The following TTN variants were observed in gnomAD, a reference collection of about 807,000 sequenced individuals.
The protein encoded by TTN is connectin.
Under a neutral mutation model 3,223.0 loss-of-function variants are expected in TTN, and 1,525 were observed. The ratio of observed to expected loss-of-function variants is 0.47; its 90% CI spans 0.45 to 0.49. TTN has a LOEUF of 0.49. Among genes scored for constraint, TTN ranks in the 20% least tolerant of loss-of-function variants. TTN has a pLI of 0.00. For synonymous variants in TTN, 14,094 were observed against 15,161.0 expected (o/e 0.93, Z 5.17); for missense variants, 40,786 against 43,424.0 (o/e 0.94, Z 5.40).
intron 92 of TTN, 52 bp from the exon 93 acceptor site, chr2:178,713,424 C>A: frequency 5.7e-6 from 8 of 1,394,582 alleles, no homozygotes; most frequent in Non-Finnish European, 7.5e-6. Context: ...AAACAAAGGA[C>A]AACAATTATA....
Position 178,614,535 on chromosome 2 carries a change from C to T in TTN, c.48979G>A (p.Gly16327Ser). ...TIVDSKRSDTGTYIIEAVNVC... is the reference protein window; with the variant it reads ...TIVDSKRSDTSTYIIEAVNVC... Reference sequence around the variant, plus strand: ...TTCACAGCCTCAATGATATATGTGCCAGTGTCACTTCTCTTACTATCAACA... The same window carrying T: ...TTCACAGCCTCAATGATATATGTGCTAGTGTCACTTCTCTTACTATCAACA... Residue 16327 changes from glycine to serine, a missense_variant, in exon 261 of 363, where the codon GGC becomes AGC. Gly to Ser is a moderately conservative substitution (Grantham distance 56). Transcript: ENST00000589042. 1 of 1,612,370 alleles carries T rather than the reference C, an allele frequency of 6.2e-7. No individual in the cohort carries two copies. Among genetic ancestry groups the T allele is most frequent in the South Asian group, 1.1e-5 (1 of 90,988 alleles).
chr2:178,539,658 G>A lies in TTN; in HGVS notation c.98407C>T (p.Leu32803=), dbSNP rs767525789. The A allele has an allele frequency of 1.2e-6, 2 of 1,613,720 alleles. No individual in the cohort carries two copies. Among genetic ancestry groups the A allele is most frequent in the Non-Finnish European group, 1.7e-6 (2 of 1,179,812 alleles). ...IGSPNSPEGP[L]EYDDIQVRSV... is the part of the protein sequence containing the mutation. ...CGGACTTGGATGTCATCATATTCCA[G>A]TGGCCCTTCTGGACTGTTGGGACTT... The change falls in exon 352 of 363, where the codon CTG becomes TTG. Residue 32803 remains leucine (L), a synonymous_variant. Coordinates refer to ENST00000589042, the MANE Select transcript of TTN (RefSeq NM_001267550.2).
In TTN at chr2:178,590,221, C is replaced by G. The variant is rs773099372; in HGVS notation, c.61504G>C (p.Gly20502Arg). ...CAAGTTATGTCTGGTTCAGGTCTGC[C>G]TTTGACTCGAGCTAGAATGCGGATA... ...QTIRILARVKGRPEPDITWTK... is the reference protein window; with the variant it reads ...QTIRILARVKRRPEPDITWTK... The change falls in exon 304 of 363, where the codon GGC becomes CGC. Residue 20502 changes from glycine (G) to arginine (R), a missense_variant. By Grantham distance (125) the Gly-to-Arg change is moderately radical. Transcript: ENST00000589042. The G allele has an allele frequency of 1.1e-5, 17 of 1,599,254 alleles. No homozygotes were observed.
chr2:178,688,059 A>C, intron 127 of TTN, 52 bp downstream of exon 127: 3 of 1,502,236 alleles, frequency 2.0e-6, no homozygotes, highest in Non-Finnish European at 2.8e-6. Context: ...TTTGTGAAAG[A>C]AAACACCTCA....
In TTN at chr2:178,703,387, T is replaced by C. The variant is rs193223299; in HGVS notation, c.30224-724A>G. Among the ~76,000 whole-genome samples the C allele has an allele frequency of 6.8e-4, 104 of 152,304 alleles. No homozygotes were observed. In the Middle Eastern group the frequency reaches 0.017, roughly 25 times the overall value. On this transcript the variant is annotated intron_variant, in intron 106 of 362. Transcript: ENST00000589042. The stretch of plus-strand genomic sequence containing the variant: ...TAGTACTTGCAGCTGGCCCTTTAAT[T>C]TGAAAACCATTTAAAATACAACCAG...
chr2:178,573,827 A>C lies in TTN; in HGVS notation c.72305T>G (p.Leu24102Arg). Residue 24102 changes from leucine to arginine, a missense_variant, in exon 326 of 363, where the codon CTT (leucine) becomes CGT (arginine). Physicochemically the swap from Leu to Arg is moderately radical, Grantham distance 102 (BLOSUM62 -2). Coordinates refer to ENST00000589042, the MANE Select transcript of TTN (RefSeq NM_001267550.2). ...STRRDSGAYT[L>R]TATNPGGFAK... ...AAAGCCACCAGGATTAGTCGCTGTAAGGGTATAGGCACCACTATCCCTTCT... is the reference window on the plus strand; with the variant it reads ...AAAGCCACCAGGATTAGTCGCTGTACGGGTATAGGCACCACTATCCCTTCT... 6.2e-7 allele frequency: 1 copy of C among 1,612,104 alleles called. No homozygotes were observed. Among genetic ancestry groups the C allele is most frequent in the Non-Finnish European group, 8.5e-7 (1 of 1,178,720 alleles).
chr2:178,737,238 G>A (rs1461589245), intron 49 of TTN: 1 of 151,972 alleles, frequency 6.6e-6, no homozygotes, highest in Admixed American at 6.6e-5. Context: ...CTATTTGAAA[G>A]TCACCCTACA....
chr2:178,607,089 A>G lies in TTN; in HGVS notation c.53513T>C (p.Ile17838Thr). The G allele has an allele frequency of 6.2e-7, 1 of 1,612,420 alleles. No individual in the cohort carries two copies. Among genetic ancestry groups the G allele is most frequent in the Non-Finnish European group, 8.5e-7 (1 of 1,179,134 alleles). Reference sequence around the variant, plus strand: ...GCCACAGCCAAACTTGTTCTTGGCAATAACACGGAACTTATATTCTTGTCC... The same window carrying G: ...GCCACAGCCAAACTTGTTCTTGGCAGTAACACGGAACTTATATTCTTGTCC... ...LEGQEYKFRV[I>T]AKNKFGCGPP... Residue 17838 changes from isoleucine (I) to threonine (T), a missense_variant, in exon 278 of 363, where the codon ATT becomes ACT. Transcript: ENST00000589042.
intron 282 of TTN, 49 bp downstream of exon 282, chr2:178,603,827 G>A: frequency 6.8e-7 from 1 of 1,478,666 alleles, no homozygotes; most frequent in Non-Finnish European, 9.0e-7. Flanking sequence ...TATCCATTTA[G>A]TGACTTTGTG....
In TTN at chr2:178,564,133, A is replaced by G; in HGVS notation, c.81999T>C (p.Thr27333=). Residue 27333 remains threonine, a synonymous_variant, in exon 326 of 363, where the codon ACT becomes ACC. Coordinates refer to ENST00000589042, the MANE Select transcript of TTN (RefSeq NM_001267550.2). ...TCCGTATACAGTCTTTGACAACAAG[A>G]GTTGTTTTCTGAATAGTAGATTTAA... ...MEIKSTIQKT[T]LVVKDCIRTD... 6.2e-7 allele frequency: 1 copy of G among 1,613,698 alleles called. No homozygotes were observed. Among genetic ancestry groups the G allele is most frequent in the Non-Finnish European group, 8.5e-7 (1 of 1,179,714 alleles).
chr2:178,648,167 T>C (rs529400356), intron 213 of TTN, among the ~76,000 whole-genome samples: 4 of 152,154 alleles, frequency 2.6e-5, no homozygotes, highest in African/African-American at 7.2e-5. Context: ...TTCAAAATCT[T>C]TGAAGCTTCC....
In TTN at chr2:178,702,666, G is replaced by A; in HGVS notation, c.30224-3C>T. Reference sequence around the variant, plus strand: ...CTTTGTAAACTGAATTGGTTCAGCTGTTTAAGTACAAAGAGGGTTCAAAGT... The same window carrying A: ...CTTTGTAAACTGAATTGGTTCAGCTATTTAAGTACAAAGAGGGTTCAAAGT... On this transcript the variant is annotated splice_polypyrimidine_tract_variant and splice_region_variant and intron_variant, in intron 106 of 362. Coordinates refer to ENST00000589042, the MANE Select transcript of TTN (RefSeq NM_001267550.2). The A allele has an allele frequency of 6.2e-7, 1 of 1,611,196 alleles. No homozygotes were observed. The highest frequency in any genetic ancestry group is 1.1e-5 in the South Asian group (1 of 90,850).
At position 178,546,708 on chromosome 2, in the gene TTN, G is replaced by C. The variant is rs759654688; in HGVS notation, c.94720C>G (p.Leu31574Val). The change falls in exon 341 of 363, where the codon CTC becomes GTC. Residue 31574 changes from leucine to valine, a missense_variant. By Grantham distance (32) the Leu-to-Val change is conservative. Transcript: ENST00000589042. ...VSDNFFTVTA[L>V]SEGDTYEFRV... ...AACTCATAAGTGTCTCCTTCACTGAGAGCAGTCACGGTGAAGAAATTGTCA... is the reference window on the plus strand; with the variant it reads ...AACTCATAAGTGTCTCCTTCACTGACAGCAGTCACGGTGAAGAAATTGTCA... The C allele has an allele frequency of 1.9e-6, 3 of 1,613,824 alleles. No individual in the cohort carries two copies. The Admixed American group carries it at 5.0e-5, about 27-fold the overall frequency.
At position 178,632,907 on chromosome 2, in the gene TTN, GT is replaced by G; in HGVS notation, c.43213+10del. The stretch of plus-strand genomic sequence containing the variant: ...GAAAATACAAAAACGTGGCTGACAA[GT>G]AGAGCATACCTTTCACTTTCAGATT... On this transcript the variant is annotated intron_variant, in intron 234 of 362. Transcript: ENST00000589042. The G allele has an allele frequency of 6.2e-7, 1 of 1,612,622 alleles. No individual in the cohort carries two copies. Among genetic ancestry groups the G allele is most frequent in the South Asian group, 1.1e-5 (1 of 90,910 alleles).
At position 178,689,051 on chromosome 2, in the gene TTN, A is replaced by G; in HGVS notation, c.32095+2T>C. On this transcript the variant is annotated splice_donor_variant, in intron 125 of 362. Transcript: ENST00000589042. LOFTEE classifies it high-confidence loss of function. ...TTGTCAGAGGATTGAGGCAAATCCT[A>G]CCTCGGGGAGGAGGAGCTTTCTTAG... 6.4e-7 allele frequency: 1 copy of G among 1,570,388 alleles called. No individual in the cohort carries two copies. The highest frequency in any genetic ancestry group is 8.6e-7 in the Non-Finnish European group (1 of 1,156,922).
intron 135 of TTN, among the ~76,000 whole-genome samples, chr2:178,682,428 T>A (rs560687834): frequency 6.6e-6 from 1 of 152,162 alleles, no homozygotes; most frequent in Admixed American, 6.5e-5. Flanking sequence ...TAGGGACATT[T>A]GCTATTTTGC....
In TTN at chr2:178,530,912, T is replaced by A; in HGVS notation, c.105703A>T (p.Lys35235Ter). 2 of 1,613,998 alleles carry A rather than the reference T, an allele frequency of 1.2e-6. No individual in the cohort carries two copies. Among genetic ancestry groups the A allele is most frequent in the Non-Finnish European group, 1.7e-6 (2 of 1,179,878 alleles). Reference sequence around the variant, plus strand: ...GATTTCACCCGAGGCTCTGGGGATTTGACTCTTGGTGGTGATGTCACAGCC... The same window carrying A: ...GATTTCACCCGAGGCTCTGGGGATTAGACTCTTGGTGGTGATGTCACAGCC... ...EKAVTSPPRV[K>*]SPEPRVKSPE... The change falls in exon 358 of 363, where the codon AAA becomes TAA. Residue 35235 changes from lysine to a stop codon, truncating the protein, a stop_gained. Transcript: ENST00000589042. LOFTEE classifies it high-confidence loss of function.
At position 178,604,561 on chromosome 2, in the gene TTN, G is replaced by T. The variant is rs183269072; in HGVS notation, c.54381+147C>A. 5.1e-4 allele frequency: 468 copies of T among 909,056 alleles called. 3 individuals carry two copies. The highest frequency in any genetic ancestry group is 4.9e-3 in the Middle Eastern group (14 of 2,872). 56.3% of individuals were successfully genotyped at this position (909,056 alleles called of 1,614,324 possible). ...CTATGTACTAAGGAGCCTTATGTGTGTGGGGCTAAACACTACAATAACAAA... is the reference window on the plus strand; with the variant it reads ...CTATGTACTAAGGAGCCTTATGTGTTTGGGGCTAAACACTACAATAACAAA... On this transcript the variant is annotated intron_variant, in intron 281 of 362. Transcript: ENST00000589042.
At chr2:178,746,197 A>T (rs1306932810) in intron 47 of TTN, 2 of 1,613,182 alleles carry the variant, frequency 1.2e-6, no homozygotes, top group Non-Finnish European at 1.7e-6. Flanking sequence ...CTATGACTGA[A>T]CATTTGAATA....
Sources: allele counts gnomAD v4.1 joint callset (sites outside exome capture counted in the v4.1 genomes callset), GRCh38; gene constraint gnomAD v4.1.1; transcripts MANE v1.5; gene names NCBI Gene and HGNC (gene_info 2026-07-23, HGNC 2026-07-21).